Variants in MAPKBP1 observed in about 807,000 individuals in gnomAD.
MAPKBP1 encodes mitogen-activated protein kinase binding protein 1.
MAPKBP1 carries 71 observed loss-of-function variants against 170.5 expected under a neutral mutation model. The ratio of observed to expected loss-of-function variants is 0.42; its 90% CI spans 0.34 to 0.51. The LOEUF (loss-of-function observed/expected upper bound fraction) is 0.51, where lower values mean the gene tolerates loss of function less well. Ranked by LOEUF, MAPKBP1 falls within the 20% of genes least tolerant of loss-of-function variation. The pLI is 0.06. For missense variants in MAPKBP1, 1,598 were observed against 1,933.0 expected (o/e 0.83, Z 3.25); for synonymous variants, 719 against 757.9 (o/e 0.95, Z 0.84).
rs574938718 is a variant in MAPKBP1, at chr15:41,822,685, G to C, written c.3314+8G>C. ...ACAGACCCGCCCACTCAGGTACAGAGGCCCCCTACCCCCCAGCAGCAGCTC... is the reference window on the plus strand; with the variant it reads ...ACAGACCCGCCCACTCAGGTACAGACGCCCCCTACCCCCCAGCAGCAGCTC... On this transcript the variant is annotated splice_region_variant and intron_variant, in intron 27 of 30. Transcript: ENST00000457542. 10 of 1,613,882 alleles carry C rather than the reference G, an allele frequency of 6.2e-6. No individual in the cohort carries two copies. The South Asian group carries it at 1.1e-4, about 18-fold the overall frequency.
rs991612427 is a variant in MAPKBP1 at position 41,817,592 on chromosome 15, C to T, written c.1783-22C>T. On this transcript the variant is annotated intron_variant, in intron 15 of 30. Coordinates refer to ENST00000457542, the MANE Select transcript of MAPKBP1 (RefSeq NM_014994.3). The surrounding 1 kb of genome is among the most constrained non-coding windows in gnomAD (Gnocchi z 4.2). Reference sequence around the variant, plus strand: ...GGTGAGGCATTTGGGTGTGGGCCTGCCCACATGCTCCACCCCTGCAGTCTG... The same window carrying T: ...GGTGAGGCATTTGGGTGTGGGCCTGTCCACATGCTCCACCCCTGCAGTCTG... 1.2e-6 allele frequency: 2 copies of T among 1,614,018 alleles called. No individual in the cohort carries two copies. Among genetic ancestry groups the T allele is most frequent in the Non-Finnish European group, 1.7e-6 (2 of 1,180,010 alleles).
chr15:41,823,786 G>C lies in MAPKBP1; in HGVS notation c.3938G>C (p.Gly1313Ala), dbSNP rs2065043977. The change falls in exon 29 of 31, where the codon GGC (glycine) becomes GCC (alanine). Residue 1313 changes from glycine to alanine, a missense_variant. Coordinates refer to ENST00000457542, the MANE Select transcript of MAPKBP1 (RefSeq NM_014994.3). Reference sequence around the variant, plus strand: ...GCTGCATTCTCTCCTGTCACCAAAGGCCGGGCCCCTGGCGAGGCAGAAAAG... The same window carrying C: ...GCTGCATTCTCTCCTGTCACCAAAGCCCGGGCCCCTGGCGAGGCAGAAAAG... ...TLAAFSPVTK[G>A]RAPGEAEKPG... The C allele has an allele frequency of 1.9e-6, 3 of 1,613,968 alleles. No homozygotes were observed. The East Asian group carries it at 6.7e-5, about 36-fold the overall frequency.
Position 41,816,950 on chromosome 15 carries a change from C to A in MAPKBP1, c.1626C>A (p.Ile542=). The change falls in exon 14 of 31, where the codon ATC becomes ATA. Residue 542 remains isoleucine (I), a synonymous_variant. Transcript: ENST00000457542. ...CATCGGCGAGCCGGGACCGGCTGATCCATGTGCTGGATGCCGGGCGGGAGT... is the reference window on the plus strand; with the variant it reads ...CATCGGCGAGCCGGGACCGGCTGATACATGTGCTGGATGCCGGGCGGGAGT... ...LLASASRDRL[I]HVLDAGREYS... The A allele has an allele frequency of 6.2e-7, 1 of 1,612,614 alleles. No individual in the cohort carries two copies. The highest frequency in any genetic ancestry group is 8.5e-7 in the Non-Finnish European group (1 of 1,179,044).
chr15:41,816,861 A>G, intron 13 of MAPKBP1, 49 bp from the exon 14 acceptor site: 2 of 1,561,050 alleles, frequency 1.3e-6, no homozygotes, highest in Non-Finnish European at 1.7e-6. Context: ...AGGCCCAGAT[A>G]AGGGCTGTTC....
chr15:41,825,777 A>C lies in MAPKBP1; in HGVS notation c.*341A>C, dbSNP rs938094460. ...GGCCCTCTCTTAGAAGCCATTTGAA[A>C]TTACTGCAGGGATTAGCTCCCTGTG... is the stretch of plus-strand genomic sequence containing the variant. On this transcript the variant is annotated 3_prime_UTR_variant, in exon 31 of 31. Transcript: ENST00000457542. 1 of 232,674 alleles carries C rather than the reference A, an allele frequency of 4.3e-6. No individual in the cohort carries two copies. The highest frequency in any genetic ancestry group is 2.3e-5 in the African/African-American group (1 of 44,180). 14.4% of individuals were successfully genotyped at this position (232,674 alleles called of 1,614,324 possible).
intron 12 of MAPKBP1, 69 bp from the exon 13 acceptor site, chr15:41,816,490 A>C (rs1416454349): frequency 4.8e-6 from 5 of 1,033,798 alleles, no homozygotes; most frequent in Middle Eastern, 2.1e-4. Flanking sequence ...AAAATGTAGC[A>C]GAGGAGGGGG....
At chr15:41,821,454 G>T in intron 23 of MAPKBP1, 130 bp from the exon 24 acceptor site, 1 of 821,100 alleles carries the variant, frequency 1.2e-6, no homozygotes, top group Non-Finnish European at 2.0e-6. Context: ...AGTGCACACC[G>T]CATCCTTACT....
intron 3 of MAPKBP1, among the ~76,000 whole-genome samples, chr15:41,801,903 CAT>C (rs1456955094): frequency 6.6e-6 from 1 of 152,106 alleles, no homozygotes; most frequent in Non-Finnish European, 1.5e-5. Flanking sequence ...CAAGTACAGT[CAT>C]GTGTCACTTA....
intron 2 of MAPKBP1, among the ~76,000 whole-genome samples, chr15:41,778,294 A>G (rs1157693778): frequency 6.6e-6 from 1 of 152,256 alleles, no homozygotes; most frequent in African/African-American, 2.4e-5. Flanking sequence ...CAAAACTACG[A>G]TTAATAAAAT....
chr15:41,815,042 A>C (rs2064866865), intron 10 of MAPKBP1, among the ~76,000 whole-genome samples: 1 of 152,200 alleles, frequency 6.6e-6, no homozygotes, highest in Non-Finnish European at 1.5e-5. Flanking sequence ...AAAATGAAAT[A>C]ATGTAAGTGG....
At chr15:41,793,832 T>C (rs1021777126) in intron 2 of MAPKBP1, among the ~76,000 whole-genome samples, 1 of 152,240 alleles carries the variant, frequency 6.6e-6, no homozygotes, top group Non-Finnish European at 1.5e-5. Context: ...GCTGCCGTGC[T>C]TAGCAGTCAG....
chr15:41,788,348 C>T (rs2064336819), intron 2 of MAPKBP1, among the ~76,000 whole-genome samples: 1 of 152,140 alleles, frequency 6.6e-6, no homozygotes, highest in African/African-American at 2.4e-5. Context: ...TATAAGCATA[C>T]AGTTATATGA....
At chr15:41,793,656 A>G (rs1343497303) in intron 2 of MAPKBP1, among the ~76,000 whole-genome samples, 1 of 152,218 alleles carries the variant, frequency 6.6e-6, no homozygotes. Flanking sequence ...GACTGTGAAG[A>G]GTTCCCAAGA....
chr15:41,792,414 C>G (rs1444110049), intron 2 of MAPKBP1, among the ~76,000 whole-genome samples: 1 of 152,066 alleles, frequency 6.6e-6, no homozygotes, highest in Non-Finnish European at 1.5e-5. Flanking sequence ...AAGATGACAC[C>G]TCTGTCAGGT....
In MAPKBP1 at chr15:41,825,191, C is replaced by T. The variant is rs770098847; in HGVS notation, c.4300-18C>T. 5 of 1,567,210 alleles carry T rather than the reference C, an allele frequency of 3.2e-6. No homozygotes were observed. In the South Asian group the frequency reaches 5.8e-5, roughly 18 times the overall value. On this transcript the variant is annotated intron_variant, in intron 30 of 30. Coordinates refer to ENST00000457542, the MANE Select transcript of MAPKBP1 (RefSeq NM_014994.3). The stretch of plus-strand genomic sequence containing the variant: ...GTTGACAGGCTCCTCCACCTCACTT[C>T]TGGGGGTGCTATTTCAGGTGGCTGG...
In MAPKBP1 at chr15:41,825,663, G is replaced by A; in HGVS notation, c.*227G>A. 1 of 499,936 alleles carries A rather than the reference G, an allele frequency of 2.0e-6. No individual in the cohort carries two copies. The highest frequency in any genetic ancestry group is 3.6e-6 in the Non-Finnish European group (1 of 280,496). The allele number at this position is 499,936 out of a possible 1,614,324, so 31.0% of individuals were successfully genotyped here. A position where few individuals can be genotyped will look rare whatever the true frequency, so the allele number is the denominator to read the frequency against. ...AACTCCTGCCTCCACAGCCCCTCCAGTGGCAGGGACAGGTCTTGGGTCTTT... is the reference window on the plus strand; with the variant it reads ...AACTCCTGCCTCCACAGCCCCTCCAATGGCAGGGACAGGTCTTGGGTCTTT... On this transcript the variant is annotated 3_prime_UTR_variant, in exon 31 of 31. Transcript: ENST00000457542.
Position 41,818,639 on chromosome 15 carries a change from C to G in MAPKBP1, c.2156+57C>G. On this transcript the variant is annotated intron_variant, in intron 19 of 30. Coordinates refer to ENST00000457542, the MANE Select transcript of MAPKBP1 (RefSeq NM_014994.3). This position sits in a 1 kb window ranked among gnomAD's most constrained non-coding sequence, Gnocchi z 5.2. ...ATTCTTACTCTGCCACAGCACCCTGCCCTCCCCTCTCTCCATTTCAGTGAT... is the reference window on the plus strand; with the variant it reads ...ATTCTTACTCTGCCACAGCACCCTGGCCTCCCCTCTCTCCATTTCAGTGAT... 6.5e-7 allele frequency: 1 copy of G among 1,546,728 alleles called. No homozygotes were observed. The highest frequency in any genetic ancestry group is 1.8e-5 in the Admixed American group (1 of 56,984).
At chr15:41,792,094 C>T (rs114788665) in intron 2 of MAPKBP1, among the ~76,000 whole-genome samples, 310 of 149,320 alleles carry the variant, frequency 2.1e-3, no homozygotes, top group African/African-American at 7.4e-3. Flanking sequence ...CTGGAAACTA[C>T]TGTTCTATCT....
In MAPKBP1 at chr15:41,775,399, G is replaced by T. The variant is rs528732214; in HGVS notation, c.114+10G>T. 27 of 1,600,848 alleles carry T rather than the reference G, an allele frequency of 1.7e-5. No individual in the cohort carries two copies. In the South Asian group the frequency reaches 2.1e-4, roughly 12 times the overall value. ...GGACCTCAGCTCCAAGGTGAGTCCT[G>T]TTGGGATCCACCTCTTTCCAAACCC... On this transcript the variant is annotated intron_variant, in intron 2 of 30. Transcript: ENST00000457542.
Sources: gnomAD v4.1 joint callset for allele counts (sites outside exome capture counted in the v4.1 genomes callset) on GRCh38, gnomAD v4.1.1 for gene constraint, Gnocchi (gnomAD v3.1) non-coding constraint, MANE v1.5 for transcripts, NCBI Gene and HGNC (gene_info 2026-07-23, HGNC 2026-07-21) for gene names.